The following USP9Y variants were observed in gnomAD, a reference collection of about 807,000 sequenced individuals.
The protein encoded by USP9Y is ubiquitin specific peptidase 9 Y-linked.
In USP9Y, 41 loss-of-function variants were observed where a neutral mutation model predicts 53.1. That is an observed-to-expected ratio of 0.77 (90% CI 0.60 to 1.00). The LOEUF (loss-of-function observed/expected upper bound fraction) is 1.00, where lower values mean the gene tolerates loss of function less well. USP9Y is among the 50% of genes least tolerant of loss of function. The pLI is 0.00. For synonymous variants in USP9Y, 220 were observed against 173.7 expected, an observed-to-expected ratio of 1.27 and a Z score of -2.09; for missense variants, 567 against 535.8, an observed-to-expected ratio of 1.06 and a Z score of -0.58.
chrY:12,725,206 G>T lies in USP9Y; in HGVS notation c.419G>T (p.Gly140Val). 1 of 393,101 alleles carries T rather than the reference G, an allele frequency of 2.5e-6. No individual in the cohort carries two copies. Among genetic ancestry groups the T allele is most frequent in the South Asian group, 3.0e-5 (1 of 33,593 alleles). The change falls in exon 6 of 46, where the codon GGC becomes GTC. Residue 140 changes from glycine to valine, a missense_variant. Gly to Val is a moderately radical substitution (Grantham distance 109). Transcript: ENST00000338981. ...TKILMDEAVS[G>V]WKFEIHRCII... is the part of the protein sequence containing the mutation. ...ATTCTTATGGATGAGGCTGTGAGTG[G>T]CTGGAAGTTTGAAATTCATGTGAGT... is the stretch of plus-strand genomic sequence containing the variant.
intron 12 of USP9Y, among the ~76,000 whole-genome samples, chrY:12,745,504 G>A: frequency 6.1e-5 from 2 of 32,569 alleles, no homozygotes; most frequent in Admixed American, 2.8e-4. Flanking sequence ...GTGTAGACAA[G>A]GTGTGAGGCC....
rs1415411251 is a variant in USP9Y, at chrY:12,738,163, A to G, written c.1171A>G (p.Ile391Val). Reference protein sequence around the residue: ...WLTAERMAEWIQQNNILSIVL... With the variant: ...WLTAERMAEWVQQNNILSIVL... Reference sequence around the variant, plus strand: ...ATTTTTGTATTACATTTAGGAATGGATACAGCAAAATAATATCTTATCCAT... The same window carrying G: ...ATTTTTGTATTACATTTAGGAATGGGTACAGCAAAATAATATCTTATCCAT... The change falls in exon 11 of 46, where the codon ATA becomes GTA. Residue 391 changes from isoleucine to valine, a missense_variant. Physicochemically the swap from Ile to Val is conservative, Grantham distance 29 (BLOSUM62 3). Transcript: ENST00000338981. 1 of 390,701 alleles carries G rather than the reference A, an allele frequency of 2.6e-6. No homozygotes were observed. Among genetic ancestry groups the G allele is most frequent in the Non-Finnish European group, 3.6e-6 (1 of 279,725 alleles).
At chrY:12,753,216 C>T in intron 12 of USP9Y, among the ~76,000 whole-genome samples, 1 of 33,786 alleles carries the variant, frequency 3.0e-5, no homozygotes, top group Non-Finnish European at 7.3e-5. Context: ...CCCAAACTTT[C>T]GCCTCCTGTC....
At chrY:12,766,572 G>A in intron 15 of USP9Y, among the ~76,000 whole-genome samples, 1 of 33,348 alleles carries the variant, frequency 3.0e-5, no homozygotes, top group Non-Finnish European at 7.4e-5. Flanking sequence ...CTTTCAAGGT[G>A]GAGCATTAAC....
intron 7 of USP9Y, among the ~76,000 whole-genome samples, chrY:12,728,312 G>C: frequency 6.4e-5 from 2 of 31,258 alleles, no homozygotes; most frequent in Non-Finnish European, 1.5e-4. Context: ...GGAGATTAGT[G>C]TGTAGGGTTT....
chrY:12,850,231 A>G (rs2053570563), intron 42 of USP9Y, among the ~76,000 whole-genome samples: 5 of 27,129 alleles, frequency 1.8e-4, no homozygotes, highest in Non-Finnish European at 3.5e-4. Flanking sequence ...ATTTATTTGC[A>G]TAGAGGTGTT....
At chrY:12,838,085 G>T in intron 35 of USP9Y, 33 bp downstream of exon 35, 1 of 311,449 alleles carries the variant, frequency 3.2e-6, no homozygotes, top group Non-Finnish European at 4.8e-6. Context: ...AATAATGATT[G>T]CATTGAACAG....
At chrY:12,831,370 G>A in intron 33 of USP9Y, among the ~76,000 whole-genome samples, 1 of 33,147 alleles carries the variant, frequency 3.0e-5, no homozygotes, top group African/African-American at 1.2e-4. Context: ...GTAATTGCTG[G>A]TGAGGCTGTG....
chrY:12,795,815 G>A (rs931289905), intron 27 of USP9Y, among the ~76,000 whole-genome samples: 4 of 33,152 alleles, frequency 1.2e-4, no homozygotes, highest in Admixed American at 1.1e-3. Context: ...CACGGTATTT[G>A]TAAAGTGATA....
intron 27 of USP9Y, 94 bp downstream of exon 27, chrY:12,793,295 G>A: frequency 7.9e-6 from 2 of 252,854 alleles, no homozygotes; most frequent in Non-Finnish European, 1.3e-5. Flanking sequence ...TTCCAGAAGT[G>A]AAGGAAGGAA....
At chrY:12,855,117 A>T (rs537042396) in intron 42 of USP9Y, among the ~76,000 whole-genome samples, 129 of 34,322 alleles carry the variant, frequency 3.8e-3, no homozygotes, top group African/African-American at 0.013. Context: ...AAGCTAACAA[A>T]AAAAACCTAA....
At chrY:12,836,868 T>TTA in intron 34 of USP9Y, among the ~76,000 whole-genome samples, 1 of 32,056 alleles carries the variant, frequency 3.1e-5, no homozygotes, top group African/African-American at 1.2e-4. Context: ...TGGCTAATTT[T>TTA]TATATATATA....
intron 11 of USP9Y, among the ~76,000 whole-genome samples, chrY:12,738,591 G>A (rs2053454135): frequency 9.4e-5 from 3 of 31,843 alleles, no homozygotes; most frequent in East Asian, 8.1e-4. Flanking sequence ...TCCCAGACTC[G>A]GGTGCATTGG....
intron 27 of USP9Y, among the ~76,000 whole-genome samples, chrY:12,809,427 G>A: frequency 6.1e-5 from 2 of 32,579 alleles, no homozygotes; most frequent in Admixed American, 5.7e-4. Flanking sequence ...ACTTTTATAA[G>A]CCCTTGAAAA....
intron 20 of USP9Y, 22 bp from the exon 21 acceptor site, chrY:12,778,584 A>G: frequency 2.5e-6 from 1 of 397,083 alleles, no homozygotes; most frequent in Non-Finnish European, 3.5e-6. Flanking sequence ...GTCTTTGCTA[A>G]TAAACACACT....
intron 27 of USP9Y, among the ~76,000 whole-genome samples, chrY:12,798,362 C>T (rs2053515665): frequency 3.0e-5 from 1 of 33,245 alleles, no homozygotes; most frequent in African/African-American, 1.2e-4. Context: ...ACAAAGATTG[C>T]GTTAAGACTG....
intron 34 of USP9Y, among the ~76,000 whole-genome samples, chrY:12,836,868 T>A (rs1051098521): frequency 2.5e-4 from 8 of 31,999 alleles, no homozygotes; most frequent in African/African-American, 1.2e-4. Flanking sequence ...TGGCTAATTT[T>A]TATATATATA....
At chrY:12,775,440 G>T in intron 17 of USP9Y, 31 bp from the exon 18 acceptor site, 3 of 317,711 alleles carry the variant, frequency 9.4e-6, no homozygotes, top group Non-Finnish European at 1.4e-5. Flanking sequence ...TATCTTGAAT[G>T]GTTTTAATAC....
chrY:12,812,921 T>C lies in USP9Y; in HGVS notation c.4478T>C (p.Val1493Ala). Residue 1493 changes from valine to alanine, a missense_variant, in exon 31 of 46, where the codon GTC becomes GCC. Val to Ala is a moderately conservative substitution (Grantham distance 64, BLOSUM62 0). Coordinates refer to ENST00000338981, the MANE Select transcript of USP9Y (RefSeq NM_004654.4). ...GELPAEQAIP[V>A]CSSPVTINAG... ...CTACCAGCTGAGCAGGCTATTCCAG[T>C]CTGTAGTTCACCCGTTACCATCAAT... 1 of 398,151 alleles carries C rather than the reference T, an allele frequency of 2.5e-6. No homozygotes were observed. The highest frequency in any genetic ancestry group is 3.5e-6 in the Non-Finnish European group (1 of 282,753).
Sources: allele counts gnomAD v4.1 joint callset (sites outside exome capture counted in the v4.1 genomes callset), GRCh38; gene constraint gnomAD v4.1.1; transcripts MANE v1.5; gene names NCBI Gene and HGNC (gene_info 2026-07-23, HGNC 2026-07-21).